ZNF236: variants seen among roughly 807,000 people sequenced by gnomAD.
ZNF236 encodes the protein zinc finger protein 236, also known as regulated by glucose.
In ZNF236, 50 loss-of-function variants were observed where a neutral mutation model predicts 191.2. That is an observed-to-expected ratio of 0.26 (90% CI 0.21 to 0.33). The LOEUF (loss-of-function observed/expected upper bound fraction) is 0.33, where lower values mean the gene tolerates loss of function less well. ZNF236 is among the 10% of genes least tolerant of loss of function. ZNF236 has a pLI of 1.00. For missense variants in ZNF236, 1,754 were observed against 2,374.5 expected, an observed-to-expected ratio of 0.74 and a Z score of 5.43; for synonymous variants, 907 against 928.8, an observed-to-expected ratio of 0.98 and a Z score of 0.43.
chr18:76,957,804 T>G (rs1968557051), intron 28 of ZNF236, among the ~76,000 whole-genome samples: 1 of 152,160 alleles, frequency 6.6e-6, no homozygotes, highest in Non-Finnish European at 1.5e-5. Flanking sequence ...AAGACTGAAA[T>G]GTAAAACCCA....
intron 19 of ZNF236, among the ~76,000 whole-genome samples, chr18:76,918,025 A>G (rs1253423690): frequency 6.6e-6 from 1 of 152,076 alleles, no homozygotes; most frequent in Non-Finnish European, 1.5e-5. Flanking sequence ...GTGCTAAGAA[A>G]AATTATCCAG....
At chr18:76,823,641 G>A (rs901128665) in intron 1 of ZNF236, among the ~76,000 whole-genome samples, 1 of 152,224 alleles carries the variant, frequency 6.6e-6, no homozygotes, top group African/African-American at 2.4e-5. Context: ...CAAGGAAGGA[G>A]AAAGGCCCAG....
chr18:76,851,766 TCC>T lies in ZNF236; in HGVS notation c.199-8_199-7del. 6.3e-7 allele frequency: 1 copy of T among 1,597,818 alleles called. No homozygotes were observed. The highest frequency in any genetic ancestry group is 1.1e-5 in the South Asian group (1 of 87,254). On this transcript the variant is annotated splice_polypyrimidine_tract_variant and splice_region_variant and intron_variant, in intron 2 of 30. Transcript: ENST00000320610. ...TTTCAGTGGCTTCTTCACTTTTCTC[TCC>T]AAATAGCCACATCGATGTGACCAGT...
At chr18:76,967,696 A>G (rs1369483082) in intron 30 of ZNF236, among the ~76,000 whole-genome samples, 4 of 142,616 alleles carry the variant, frequency 2.8e-5, no homozygotes, top group Non-Finnish European at 3.1e-5. Flanking sequence ...GATCTGTGAG[A>G]TTTGTGATTT....
chr18:76,852,333 T>A (rs925231806), intron 3 of ZNF236, among the ~76,000 whole-genome samples: 4 of 152,188 alleles, frequency 2.6e-5, no homozygotes, highest in African/African-American at 9.7e-5. Context: ...CCTCTGACTG[T>A]GAGAATCTGA....
rs747547995 is a variant in ZNF236, at chr18:76,937,168, C to T, written c.4607C>T (p.Thr1536Ile). ...ITLTISELNT[T>I]SGSLPSTTPM... ...GCCTCTTTTGTAGAACTTAACACTA[C>T]AAGCGGAAGCCTTCCTTCAACAACA... Residue 1536 changes from threonine to isoleucine, a missense_variant, in exon 26 of 31, where the codon ACA becomes ATA. Physicochemically the swap from Thr to Ile is moderately conservative, Grantham distance 89. Transcript: ENST00000320610. The T allele has an allele frequency of 4.3e-6, 7 of 1,613,840 alleles. No individual in the cohort carries two copies. The African/African-American group carries it at 6.7e-5, about 15-fold the overall frequency.
At chr18:76,949,217 T>G (rs1397131248) in intron 27 of ZNF236, among the ~76,000 whole-genome samples, 2 of 152,252 alleles carry the variant, frequency 1.3e-5, no homozygotes, top group Non-Finnish European at 2.9e-5. Flanking sequence ...TCCTATATTT[T>G]ATGTGACTAG....
intron 18 of ZNF236, among the ~76,000 whole-genome samples, chr18:76,915,366 T>TGAAA (rs1438007064): frequency 1.3e-5 from 2 of 152,178 alleles, no homozygotes; most frequent in Admixed American, 1.3e-4. Flanking sequence ...AGACTGTGAC[T>TGAAA]TCACAGAGCC....
At chr18:76,860,616 T>G (rs1976189779) in intron 3 of ZNF236, among the ~76,000 whole-genome samples, 1 of 152,178 alleles carries the variant, frequency 6.6e-6, no homozygotes, top group Admixed American at 6.5e-5. Flanking sequence ...CGTGGTCTCC[T>G]GGGTAGGACC....
In ZNF236 at chr18:76,960,958, G is replaced by T; in HGVS notation, c.5419+103G>T. Reference sequence around the variant, plus strand: ...TTAGTTCACACAGTGATTTTGCATTGCACGTGGTACAGCCTCAGTTGTGTG... The same window carrying T: ...TTAGTTCACACAGTGATTTTGCATTTCACGTGGTACAGCCTCAGTTGTGTG... On this transcript the variant is annotated intron_variant, in intron 30 of 30. Transcript: ENST00000320610. The surrounding 1 kb of genome is among the most constrained non-coding windows in gnomAD (Gnocchi z 4.4). The T allele has an allele frequency of 2.3e-6, 3 of 1,290,614 alleles. No individual in the cohort carries two copies. Among genetic ancestry groups the T allele is most frequent in the Non-Finnish European group, 1.0e-6 (1 of 956,560 alleles). 79.9% of individuals were successfully genotyped at this position (1,290,614 alleles called of 1,614,324 possible).
intron 1 of ZNF236, among the ~76,000 whole-genome samples, chr18:76,830,322 T>C (rs1975132869): frequency 6.6e-6 from 1 of 152,236 alleles, no homozygotes; most frequent in Non-Finnish European, 1.5e-5. Flanking sequence ...TTACATTATA[T>C]GAACCTACCA....
chr18:76,830,037 A>T (rs1225927894), intron 1 of ZNF236, among the ~76,000 whole-genome samples: 1 of 151,964 alleles, frequency 6.6e-6, no homozygotes, highest in African/African-American at 2.4e-5. Context: ...CGCCTGGCTA[A>T]TTTTTTGTGT....
At chr18:76,894,935 TG>T in intron 9 of ZNF236, 77 bp from the exon 10 acceptor site, 1 of 1,557,392 alleles carries the variant, frequency 6.4e-7, no homozygotes. Context: ...CAGCTTTCTG[TG>T]GGGACCACAG....
intron 1 of ZNF236, among the ~76,000 whole-genome samples, chr18:76,825,284 A>G (rs1395002663): frequency 6.6e-6 from 1 of 152,244 alleles, no homozygotes; most frequent in Non-Finnish European, 1.5e-5. Context: ...GTGGTTCTCA[A>G]ACTGTGGTTC....
Position 76,925,128 on chromosome 18 carries a change from G to C in ZNF236, c.3662-61G>C. 1.9e-6 allele frequency: 3 copies of C among 1,573,326 alleles called. No homozygotes were observed. The highest frequency in any genetic ancestry group is 2.6e-6 in the Non-Finnish European group (3 of 1,159,378). ...TACATCCATAGTGACAGCTGAGTGGGGTGGGGGTGAGTGTCGCGACTGCCA... is the reference window on the plus strand; with the variant it reads ...TACATCCATAGTGACAGCTGAGTGGCGTGGGGGTGAGTGTCGCGACTGCCA... On this transcript the variant is annotated intron_variant, in intron 21 of 30. Coordinates refer to ENST00000320610, the MANE Select transcript of ZNF236 (RefSeq NM_001306089.2). This position sits in a 1 kb window ranked among gnomAD's most constrained non-coding sequence, Gnocchi z 5.7.
In ZNF236 at chr18:76,925,972, T is replaced by A. The variant is rs1967666115; in HGVS notation, c.4027+418T>A. Among the ~76,000 whole-genome samples, 1 of 152,204 alleles carries A rather than the reference T, an allele frequency of 6.6e-6. No homozygotes were observed. Among genetic ancestry groups the A allele is most frequent in the Admixed American group, 6.5e-5 (1 of 15,282 alleles). On this transcript the variant is annotated intron_variant, in intron 22 of 30. Transcript: ENST00000320610. This position sits in a 1 kb window ranked among gnomAD's most constrained non-coding sequence, Gnocchi z 5.7. The stretch of plus-strand genomic sequence containing the variant: ...GTTACATTTTAGCTAGTTGTGTTGA[T>A]TTGTGTGCCTGTGAGTAAATGCAGC...
At chr18:76,950,499 A>G (rs1968377652) in intron 27 of ZNF236, among the ~76,000 whole-genome samples, 1 of 152,182 alleles carries the variant, frequency 6.6e-6, no homozygotes, top group Non-Finnish European at 1.5e-5. Context: ...CTGCTCAGTT[A>G]TATATACCAT....
intron 1 of ZNF236, among the ~76,000 whole-genome samples, chr18:76,840,513 G>C (rs1378486928): frequency 2.6e-5 from 4 of 151,732 alleles, no homozygotes; most frequent in African/African-American, 7.2e-5. Flanking sequence ...AAGAAAAAGA[G>C]GGAGACGTTA....
chr18:76,959,350 G>A (rs1968604410), intron 28 of ZNF236, among the ~76,000 whole-genome samples: 2 of 152,166 alleles, frequency 1.3e-5, no homozygotes, highest in South Asian at 4.2e-4. Flanking sequence ...AGCTCACCTG[G>A]ACTCCTGCAC....
Sources: gnomAD v4.1 joint callset for allele counts (sites outside exome capture counted in the v4.1 genomes callset) on GRCh38, gnomAD v4.1.1 for gene constraint, Gnocchi (gnomAD v3.1) non-coding constraint, MANE v1.5 for transcripts, NCBI Gene and HGNC (gene_info 2026-07-23, HGNC 2026-07-21) for gene names.